Variants in SLIT2 observed in about 807,000 individuals in gnomAD.
The protein encoded by SLIT2 is slit homolog 2 protein.
SLIT2 carries 41 observed loss-of-function variants against 185.7 expected under a neutral mutation model. The observed-to-expected ratio is 0.22, with a 90% CI of 0.17 to 0.29. The LOEUF (loss-of-function observed/expected upper bound fraction) is 0.29, where lower values mean the gene tolerates loss of function less well. Among genes scored for constraint, SLIT2 ranks in the 10% least tolerant of loss-of-function variants. The probability of loss-of-function intolerance (pLI) is 1.00; values close to 1 mark genes in which losing one functional copy is unlikely to be tolerated. For synonymous variants in SLIT2, 693 were observed against 680.2 expected (o/e 1.02, Z -0.29); for missense variants, 1,571 against 1,909.0 (o/e 0.82, Z 3.30).
At chr4:20,352,510 A>G (rs1255346119) in intron 4 of SLIT2, among the ~76,000 whole-genome samples, 1 of 152,200 alleles carries the variant, frequency 6.6e-6, no homozygotes, top group Non-Finnish European at 1.5e-5. Context: ...AATTAGATAA[A>G]CGCTACTTAA....
At chr4:20,609,558 T>G (rs978006580) in intron 33 of SLIT2, among the ~76,000 whole-genome samples, 3 of 152,078 alleles carry the variant, frequency 2.0e-5, no homozygotes, top group Admixed American at 6.6e-5. Context: ...TAATCTACAG[T>G]TTTTTTTAAG....
At position 20,568,871 on chromosome 4, in the gene SLIT2, T is replaced by G; in HGVS notation, c.2955T>G (p.Ile985Met). 1 of 1,612,100 alleles carries G rather than the reference T, an allele frequency of 6.2e-7. No homozygotes were observed. Among genetic ancestry groups the G allele is most frequent in the Admixed American group, 1.7e-5 (1 of 59,946 alleles). ...TTTCTCCTCTGGCATTCAGGTGTAT[T>G]TGTGCTGATGGATTTGAAGGAGAAA... is the stretch of plus-strand genomic sequence containing the variant. ...KEGEEDGFWC[I>M]CADGFEGENC... Residue 985 changes from isoleucine (I) to methionine (M), a missense_variant, in exon 29 of 37, where the codon ATT becomes ATG. Transcript: ENST00000504154.
chr4:20,561,437 G>A (rs909188613), intron 26 of SLIT2, among the ~76,000 whole-genome samples: 2 of 151,658 alleles, frequency 1.3e-5, no homozygotes, highest in African/African-American at 4.9e-5. Flanking sequence ...TTTTTGATAG[G>A]CTTGAGTGGG....
intron 4 of SLIT2, among the ~76,000 whole-genome samples, chr4:20,283,964 A>T (rs1017956511): frequency 9.9e-5 from 15 of 152,070 alleles, no homozygotes; most frequent in African/African-American, 3.6e-4. Flanking sequence ...CGCAGTGTGT[A>T]TTTTGCTTAT....
chr4:20,272,691 C>T (rs952399165), intron 4 of SLIT2, among the ~76,000 whole-genome samples: 14 of 152,062 alleles, frequency 9.2e-5, no homozygotes, highest in Non-Finnish European at 1.6e-4. Context: ...AGACTTCTAA[C>T]GTAAGCTTAA....
At chr4:20,272,851 A>G (rs925201859) in intron 4 of SLIT2, among the ~76,000 whole-genome samples, 9 of 152,130 alleles carry the variant, frequency 5.9e-5, no homozygotes, top group Non-Finnish European at 1.3e-4. Flanking sequence ...CTGGTTCTCA[A>G]GTGCCATTCA....
At chr4:20,534,870 A>C (rs6842564) in intron 18 of SLIT2, among the ~76,000 whole-genome samples, 12,273 of 152,046 alleles carry the variant, frequency 0.081, 981 homozygotes, top group African/African-American at 0.21. Context: ...GCAGAAGTGC[A>C]TTCCTTGAGT....
At chr4:20,511,964 C>A (rs1719795674) in intron 11 of SLIT2, among the ~76,000 whole-genome samples, 1 of 151,730 alleles carries the variant, frequency 6.6e-6, no homozygotes. Flanking sequence ...TTTTTAATGT[C>A]AAGAGAACCT....
chr4:20,272,066 T>C (rs1713680236), intron 4 of SLIT2, among the ~76,000 whole-genome samples: 2 of 152,096 alleles, frequency 1.3e-5, no homozygotes. Context: ...TGCTCAGAAA[T>C]AGTAGTACAG....
At chr4:20,554,343 A>T (rs1389842895) in intron 26 of SLIT2, 1 of 461,042 alleles carries the variant, frequency 2.2e-6, no homozygotes, top group Non-Finnish European at 4.3e-6. Flanking sequence ...CATACCAGGT[A>T]AGGAGAAACA....
intron 15 of SLIT2, among the ~76,000 whole-genome samples, chr4:20,527,325 T>C (rs951750723): frequency 1.3e-5 from 2 of 152,050 alleles, no homozygotes; most frequent in Non-Finnish European, 2.9e-5. Context: ...TCTCGCTGTC[T>C]CCCAGGCTGG....
At chr4:20,372,122 C>T (rs981936381) in intron 4 of SLIT2, among the ~76,000 whole-genome samples, 46 of 152,112 alleles carry the variant, frequency 3.0e-4, no homozygotes, top group African/African-American at 1.0e-3. Flanking sequence ...ACTGAGTACT[C>T]TTTATAGGTA....
intron 4 of SLIT2, among the ~76,000 whole-genome samples, chr4:20,303,826 C>G (rs1226370473): frequency 1.3e-5 from 2 of 152,080 alleles, no homozygotes; most frequent in Non-Finnish European, 2.9e-5. Flanking sequence ...AATATTCCAG[C>G]TAGATGGAAT....
Position 20,531,992 on chromosome 4 carries a change from A to G in SLIT2, c.1622A>G (p.Asn541Ser), listed in dbSNP as rs1721854102. ...CCTTCTTTTTTCTTCAGGCGTCTCA[A>G]TAATAATGAATTTACCGTGTTGGAA... ...IPQYTAELRLNNNEFTVLEAT... is the reference protein window; with the variant it reads ...IPQYTAELRLSNNEFTVLEAT... The change falls in exon 17 of 37, where the codon AAT becomes AGT. Residue 541 changes from asparagine to serine, a missense_variant. Around this residue, in one of 3 missense-constraint regions of SLIT2, gnomAD observed 1,202 missense variants for 1,416.4 expected, o/e 0.85. Coordinates refer to ENST00000504154, the MANE Select transcript of SLIT2 (RefSeq NM_004787.4). The G allele has an allele frequency of 3.6e-5, 57 of 1,571,790 alleles. No individual in the cohort carries two copies. Among genetic ancestry groups the G allele is most frequent in the Non-Finnish European group, 4.8e-5 (56 of 1,163,940 alleles).
At chr4:20,602,075 T>TTAA (rs1377663438) in intron 33 of SLIT2, among the ~76,000 whole-genome samples, 1 of 152,158 alleles carries the variant, frequency 6.6e-6, no homozygotes, top group Non-Finnish European at 1.5e-5. Flanking sequence ...TTCTATAGGG[T>TTAA]ATTTTTGGTT....
At chr4:20,382,241 T>C (rs958280681) in intron 4 of SLIT2, among the ~76,000 whole-genome samples, 3 of 152,126 alleles carry the variant, frequency 2.0e-5, no homozygotes, top group African/African-American at 7.2e-5. Flanking sequence ...TTGAAAAACA[T>C]GTAGTTAACA....
intron 4 of SLIT2, among the ~76,000 whole-genome samples, chr4:20,353,533 AAC>A (rs973256914): frequency 2.2e-4 from 34 of 152,112 alleles, no homozygotes; most frequent in African/African-American, 8.2e-4. Context: ...ATTTAAAAAA[AAC>A]AAAAAGCGGT....
chr4:20,439,403 C>T (rs1007881682), intron 4 of SLIT2, among the ~76,000 whole-genome samples: 3 of 152,170 alleles, frequency 2.0e-5, no homozygotes, highest in Admixed American at 6.5e-5. Context: ...TGTCCTATGC[C>T]TCTCTCTTAG....
chr4:20,267,409 G>A (rs1713147656), intron 3 of SLIT2, among the ~76,000 whole-genome samples: 1 of 151,564 alleles, frequency 6.6e-6, no homozygotes, highest in South Asian at 2.1e-4. Context: ...GCCTGAGAAT[G>A]TTTCTGTAGA....
Sources: gnomAD v4.1 joint callset for allele counts (sites outside exome capture counted in the v4.1 genomes callset) on GRCh38, gnomAD v4.1.1 for gene constraint, gnomAD v4.1.1 regional missense constraint, MANE v1.5 for transcripts, NCBI Gene and HGNC (gene_info 2026-07-23, HGNC 2026-07-21) for gene names.